The following CFAP54 variants were observed in gnomAD, a reference collection of about 807,000 sequenced individuals.
CFAP54 encodes the protein cilia- and flagella-associated protein 54.
In CFAP54, 290 loss-of-function variants were observed where a neutral mutation model predicts 370.4. The ratio of observed to expected loss-of-function variants is 0.78; its 90% CI spans 0.71 to 0.86. The LOEUF (loss-of-function observed/expected upper bound fraction) is 0.86. CFAP54 is among the 40% of genes least tolerant of loss of function. CFAP54 has a pLI of 0.00. For synonymous variants in CFAP54, 1,206 were observed against 1,236.5 expected, an observed-to-expected ratio of 0.98 and a Z score of 0.52; for missense variants, 3,399 against 3,528.7, an observed-to-expected ratio of 0.96 and a Z score of 0.93.
intron 20 of CFAP54, among the ~76,000 whole-genome samples, chr12:96,578,762 G>A (rs939984506): frequency 6.6e-6 from 1 of 152,102 alleles, no homozygotes; most frequent in African/African-American, 2.4e-5. Flanking sequence ...CTGGGTTGAG[G>A]CTTCAGCCAT....
chr12:96,652,128 G>A (rs1292332157), intron 36 of CFAP54, among the ~76,000 whole-genome samples: 2 of 152,090 alleles, frequency 1.3e-5, no homozygotes, highest in African/African-American at 4.8e-5. Context: ...TAGATTCCAA[G>A]GAAGATCACA....
chr12:96,808,363 T>C (rs1958901792), intron 63 of CFAP54, among the ~76,000 whole-genome samples: 1 of 152,156 alleles, frequency 6.6e-6, no homozygotes, highest in Non-Finnish European at 1.5e-5. Context: ...TGAGTTACTC[T>C]CTTGTGTCAG....
intron 63 of CFAP54, among the ~76,000 whole-genome samples, chr12:96,801,607 AC>A (rs1426834564): frequency 6.6e-6 from 1 of 152,210 alleles, no homozygotes; most frequent in African/African-American, 2.4e-5. Context: ...GTACCTTAGG[AC>A]TTTTAGCTTT....
rs1956024535 is a variant in CFAP54, at chr12:96,580,666, C to T, written c.2866C>T (p.His956Tyr). Residue 956 changes from histidine to tyrosine, a missense_variant, in exon 21 of 68, where the codon CAT (histidine) becomes TAT (tyrosine). This residue lies in a region of CFAP54 where 2,796 missense variants were observed against 2,869.7 expected (regional missense o/e 0.97). Transcript: ENST00000524981. ...SYGKVRLNNN[H>Y]LPNSGEAIPA... ...TGGAAAAGTACGGCTAAACAATAATCATCTCCCAAATTCAGGAGAAGCGGT... is the reference window on the plus strand; with the variant it reads ...TGGAAAAGTACGGCTAAACAATAATTATCTCCCAAATTCAGGAGAAGCGGT... 6.6e-7 allele frequency: 1 copy of T among 1,525,660 alleles called. No individual in the cohort carries two copies. Among genetic ancestry groups the T allele is most frequent in the Non-Finnish European group, 8.8e-7 (1 of 1,140,716 alleles). 94.5% of individuals were successfully genotyped at this position (1,525,660 alleles called of 1,614,324 possible). A position where few individuals can be genotyped will look rare whatever the true frequency, so the allele number is the denominator to read the frequency against.
At chr12:96,656,999 G>A (rs148567078) in intron 36 of CFAP54, among the ~76,000 whole-genome samples, 68 of 152,294 alleles carry the variant, frequency 4.5e-4, no homozygotes, top group Non-Finnish European at 8.4e-4. Context: ...TTCACAGTCC[G>A]ATGACTTCCA....
chr12:96,515,221 C>T (rs1955217481), intron 5 of CFAP54, among the ~76,000 whole-genome samples: 1 of 151,964 alleles, frequency 6.6e-6, no homozygotes, highest in South Asian at 2.1e-4. Flanking sequence ...ATTGGCTAGG[C>T]TGGTCTCGAA....
intron 46 of CFAP54, among the ~76,000 whole-genome samples, chr12:96,701,782 G>A (rs114441414): frequency 6.6e-6 from 1 of 152,166 alleles, no homozygotes; most frequent in Middle Eastern, 3.4e-3. Flanking sequence ...AGGAGGAGGA[G>A]GAGGAGGAGG....
chr12:96,554,222 TTGACA>T lies in CFAP54; in HGVS notation c.2196_2200del (p.Asp733SerfsTer22), dbSNP rs1374223160. 1.3e-6 allele frequency: 2 copies of T among 1,525,600 alleles called. No homozygotes were observed. Among genetic ancestry groups the T allele is most frequent in the Non-Finnish European group, 1.8e-6 (2 of 1,142,032 alleles). 94.5% of individuals were successfully genotyped at this position (1,525,600 alleles called of 1,614,324 possible). A position where few individuals can be genotyped will look rare whatever the true frequency, so the allele number is the denominator to read the frequency against. On this transcript the variant is annotated frameshift_variant, in exon 16 of 68. Coordinates refer to ENST00000524981, the MANE Select transcript of CFAP54 (RefSeq NM_001306084.2). LOFTEE classifies it high-confidence loss of function. ...CAGTTACTTTTTGCTTATAAACTTC[TTGACA>T]GAGCAATCGGTGGAATAAATTTGAA...
At chr12:96,624,814 C>A in intron 28 of CFAP54, among the ~76,000 whole-genome samples, 1 of 152,092 alleles carries the variant, frequency 6.6e-6, no homozygotes, top group East Asian at 1.9e-4. Flanking sequence ...TAATATGTTC[C>A]ATGCCTGTTT....
At chr12:96,678,650 T>C (rs1400099583) in intron 39 of CFAP54, among the ~76,000 whole-genome samples, 1 of 152,226 alleles carries the variant, frequency 6.6e-6, no homozygotes, top group Admixed American at 6.5e-5. Context: ...GCCTATCTTC[T>C]CTTCCACAAG....
intron 66 of CFAP54, among the ~76,000 whole-genome samples, chr12:96,840,818 A>G (rs754210545): frequency 2.6e-5 from 4 of 151,994 alleles, no homozygotes; most frequent in Non-Finnish European, 5.9e-5. Context: ...TCCATTCCAC[A>G]CTACTTTTAA....
At chr12:96,659,856 G>A (rs1159320654) in intron 38 of CFAP54, among the ~76,000 whole-genome samples, 1 of 152,154 alleles carries the variant, frequency 6.6e-6, no homozygotes, top group Non-Finnish European at 1.5e-5. Flanking sequence ...AGCCAGCAAG[G>A]ACTCAATTTT....
chr12:96,655,380 G>A (rs1156984723), intron 36 of CFAP54, among the ~76,000 whole-genome samples: 1 of 151,772 alleles, frequency 6.6e-6, no homozygotes, highest in East Asian at 1.9e-4. Flanking sequence ...AATAGTTGAT[G>A]AAGAGGAATT....
At chr12:96,643,720 A>G (rs1956759639) in intron 32 of CFAP54, among the ~76,000 whole-genome samples, 1 of 152,202 alleles carries the variant, frequency 6.6e-6, no homozygotes, top group African/African-American at 2.4e-5. Context: ...GCTATATTCA[A>G]CTGATGTTTT....
intron 2 of CFAP54, among the ~76,000 whole-genome samples, chr12:96,503,138 C>A (rs906016859): frequency 6.8e-6 from 1 of 146,036 alleles, no homozygotes; most frequent in Admixed American, 7.0e-5. Flanking sequence ...TTCTCTCTCT[C>A]CTCTTTCTTT....
intron 66 of CFAP54, among the ~76,000 whole-genome samples, chr12:96,855,245 A>G (rs990207014): frequency 6.6e-6 from 1 of 152,150 alleles, no homozygotes; most frequent in African/African-American, 2.4e-5. Flanking sequence ...ATAGTTCAAG[A>G]TGAGATTTGG....
In CFAP54 at chr12:96,684,645, T is replaced by C; in HGVS notation, c.5717-3T>C. The C allele has an allele frequency of 6.2e-7, 1 of 1,604,134 alleles. No individual in the cohort carries two copies. Among genetic ancestry groups the C allele is most frequent in the Non-Finnish European group, 8.5e-7 (1 of 1,175,620 alleles). The stretch of plus-strand genomic sequence containing the variant: ...TTGTTCTTTTACTTGATTAAAAATA[T>C]AGATGTTCTCCAAGCCAGCAATCAA... On this transcript the variant is annotated splice_region_variant and splice_polypyrimidine_tract_variant and intron_variant, in intron 40 of 67. Transcript: ENST00000524981.
intron 39 of CFAP54, among the ~76,000 whole-genome samples, chr12:96,671,387 G>GA (rs1957144019): frequency 6.6e-6 from 1 of 151,838 alleles, no homozygotes; most frequent in African/African-American, 2.4e-5. Context: ...GTATAATTTA[G>GA]GGGTTTTTTT....
At chr12:96,640,617 A>G (rs1385419885) in intron 32 of CFAP54, among the ~76,000 whole-genome samples, 2 of 152,260 alleles carry the variant, frequency 1.3e-5, no homozygotes, top group Non-Finnish European at 2.9e-5. Flanking sequence ...TGCATTGCCA[A>G]GTCAATCCTA....
Sources: allele counts gnomAD v4.1 joint callset (sites outside exome capture counted in the v4.1 genomes callset), GRCh38; gene constraint gnomAD v4.1.1; regional missense constraint gnomAD v4.1.1; transcripts MANE v1.5; gene names NCBI Gene and HGNC (gene_info 2026-07-23, HGNC 2026-07-21).